PCBD2: variants seen among roughly 807,000 people sequenced by gnomAD.
The protein encoded by PCBD2 is pterin-4-alpha-carbinolamine dehydratase 2.
A neutral mutation model predicts 16.4 loss-of-function variants in PCBD2; 12 were observed. The observed-to-expected ratio is 0.73, with a 90% CI of 0.47 to 1.19. The LOEUF is 1.19. Ranked by LOEUF, PCBD2 falls within the 50% of genes most tolerant of loss-of-function variation. The pLI is 0.00. For missense variants in PCBD2, 138 were observed against 156.8 expected (o/e 0.88, Z 0.64); for synonymous variants, 58 against 61.8 (o/e 0.94, Z 0.29).
At chr5:134,957,467 C>T (rs1274201776) in intron 2 of PCBD2, among the ~76,000 whole-genome samples, 3 of 152,122 alleles carry the variant, frequency 2.0e-5, no homozygotes, top group Non-Finnish European at 2.9e-5. Flanking sequence ...TCTCCTTATA[C>T]GTAGTTTAAT....
intron 2 of PCBD2, among the ~76,000 whole-genome samples, chr5:134,934,586 T>G (rs1238457276): frequency 6.6e-6 from 1 of 152,264 alleles, no homozygotes; most frequent in Non-Finnish European, 1.5e-5. Flanking sequence ...ATCTTTCGGC[T>G]TTTTGGTTGA....
At chr5:134,951,017 G>A (rs1751353748) in intron 2 of PCBD2, among the ~76,000 whole-genome samples, 2 of 152,054 alleles carry the variant, frequency 1.3e-5, no homozygotes, top group South Asian at 2.1e-4. Flanking sequence ...CTTTACAGTG[G>A]GAACTTCATT....
intron 2 of PCBD2, chr5:134,925,719 G>T (rs1197468938): frequency 2.5e-6 from 1 of 396,752 alleles, no homozygotes; most frequent in South Asian, 1.3e-4. Flanking sequence ...TGCTTGAGTG[G>T]AGTAGGGCTG....
At chr5:134,944,335 A>G (rs1208134456) in intron 2 of PCBD2, among the ~76,000 whole-genome samples, 2 of 152,134 alleles carry the variant, frequency 1.3e-5, no homozygotes, top group Non-Finnish European at 2.9e-5. Flanking sequence ...TCAATGCCAT[A>G]TTGTGCTCTT....
chr5:134,907,397 C>T (rs2149529228), intron 1 of PCBD2, among the ~76,000 whole-genome samples: 1 of 152,266 alleles, frequency 6.6e-6, no homozygotes, highest in African/African-American at 2.4e-5. Context: ...GCGCGTGCCA[C>T]CACGCTTGGC....
rs1561454491 is a variant in PCBD2 at position 134,962,107 on chromosome 5, T to TGTGTGTGTGTGTGTG, written c.*1426_*1427insGTGTGTGTGTGTGTG. ...GTGTGTGTGTGTGTGTGTGTGTGTGTTTGACACGGGGTCTCATTCTGTTGC... is the reference window on the plus strand; with the variant it reads ...GTGTGTGTGTGTGTGTGTGTGTGTGTGTGTGTGTGTGTGTGTTGACACGGGGTCTCATTCTGTTGC... On this transcript the variant is annotated 3_prime_UTR_variant, in exon 4 of 4. Transcript: ENST00000254908. Among the ~76,000 whole-genome samples the TGTGTGTGTGTGTGTG allele has an allele frequency of 6.6e-6, 1 of 150,538 alleles. No individual in the cohort carries two copies. Among genetic ancestry groups the TGTGTGTGTGTGTGTG allele is most frequent in the Non-Finnish European group, 1.5e-5 (1 of 67,558 alleles).
At chr5:134,930,843 A>G (rs1285960663) in intron 2 of PCBD2, among the ~76,000 whole-genome samples, 1 of 152,172 alleles carries the variant, frequency 6.6e-6, no homozygotes, top group Non-Finnish European at 1.5e-5. Context: ...TTTCAAGACA[A>G]TTCTTTAATC....
In PCBD2 at chr5:134,961,982, A is replaced by G. The variant is rs142167510; in HGVS notation, c.*1301A>G. Among the ~76,000 whole-genome samples, 1,021 of 152,062 alleles carry G rather than the reference A, an allele frequency of 6.7e-3. 9 individuals carry two copies. Among genetic ancestry groups the G allele is most frequent in the African/African-American group, 0.024 (979 of 41,476 alleles). On this transcript the variant is annotated 3_prime_UTR_variant, in exon 4 of 4. Coordinates refer to ENST00000254908, the MANE Select transcript of PCBD2 (RefSeq NM_032151.5). The stretch of plus-strand genomic sequence containing the variant: ...TCCCATCTTGCCCAGGCTGGCCTTG[A>G]ACTCTTGGGCTCAAGCAAGCCTCCC...
At chr5:134,921,834 A>G (rs1750907280) in intron 2 of PCBD2, among the ~76,000 whole-genome samples, 1 of 152,164 alleles carries the variant, frequency 6.6e-6, no homozygotes, top group African/African-American at 2.4e-5. Flanking sequence ...TCCTGGCCAC[A>G]TGTTACCTTT....
chr5:134,920,300 A>G (rs998477249), intron 2 of PCBD2, among the ~76,000 whole-genome samples: 15 of 152,186 alleles, frequency 9.9e-5, no homozygotes, highest in Non-Finnish European at 2.1e-4. Context: ...GGGTCATGTC[A>G]CAGTTACCAG....
At chr5:134,907,515 A>C (rs1750710633) in intron 1 of PCBD2, among the ~76,000 whole-genome samples, 1 of 152,050 alleles carries the variant, frequency 6.6e-6, no homozygotes, top group South Asian at 2.1e-4. Flanking sequence ...TGCTGGGATT[A>C]CAGGCATGAG....
intron 2 of PCBD2, among the ~76,000 whole-genome samples, chr5:134,942,991 A>T (rs1751247180): frequency 6.6e-6 from 1 of 152,238 alleles, no homozygotes; most frequent in Non-Finnish European, 1.5e-5. Context: ...ATTGATGGAC[A>T]TTTAGAGTCT....
intron 2 of PCBD2, among the ~76,000 whole-genome samples, chr5:134,922,633 C>T (rs1354394298): frequency 2.0e-5 from 3 of 150,402 alleles, no homozygotes; most frequent in Non-Finnish European, 3.0e-5. Flanking sequence ...TGTATCATTA[C>T]AAGTTATGCT....
At chr5:134,941,746 CA>C (rs1361207162) in intron 2 of PCBD2, among the ~76,000 whole-genome samples, 3 of 152,008 alleles carry the variant, frequency 2.0e-5, no homozygotes, top group Non-Finnish European at 2.9e-5. Flanking sequence ...AAAAAGGGCA[CA>C]GGGAAAAAAA....
chr5:134,928,554 G>T (rs1751050364), intron 2 of PCBD2: 2 of 255,912 alleles, frequency 7.8e-6, no homozygotes, highest in African/African-American at 4.4e-5. Context: ...TGACTTCCAG[G>T]CTGGGCGCGG....
chr5:134,957,445 CA>C (rs1437594145), intron 2 of PCBD2, among the ~76,000 whole-genome samples: 1 of 152,176 alleles, frequency 6.6e-6, no homozygotes, highest in Non-Finnish European at 1.5e-5. Context: ...GCATTATAGG[CA>C]GAGTAGAAAT....
intron 1 of PCBD2, among the ~76,000 whole-genome samples, chr5:134,907,761 T>G (rs1469736924): frequency 6.6e-6 from 1 of 151,338 alleles, no homozygotes; most frequent in African/African-American, 2.4e-5. Context: ...TAGCAGGGAC[T>G]ACAGGCGCCT....
intron 3 of PCBD2, among the ~76,000 whole-genome samples, chr5:134,959,795 T>C (rs1047021941): frequency 6.6e-6 from 1 of 152,186 alleles, no homozygotes; most frequent in Admixed American, 6.5e-5. Context: ...TGCTTCTCTT[T>C]GCTCGTAATT....
intron 3 of PCBD2, 127 bp downstream of exon 3, chr5:134,959,247 C>T: frequency 1.5e-6 from 1 of 667,524 alleles, no homozygotes; most frequent in Non-Finnish European, 2.5e-6. Flanking sequence ...TCTCAGAATC[C>T]CTGTGTATTA....
Sources: gnomAD v4.1 joint callset for allele counts (sites outside exome capture counted in the v4.1 genomes callset) on GRCh38, gnomAD v4.1.1 for gene constraint, MANE v1.5 for transcripts, NCBI Gene and HGNC (gene_info 2026-07-23, HGNC 2026-07-21) for gene names.